MMD: variants seen among roughly 807,000 people sequenced by gnomAD.
The protein encoded by MMD is monocyte to macrophage differentiation factor.
A neutral mutation model predicts 33.6 loss-of-function variants in MMD; 22 were observed. The ratio of observed to expected loss-of-function variants is 0.66; its 90% CI spans 0.47 to 0.94. The LOEUF is 0.94. Ranked by LOEUF, MMD falls within the 40% of genes least tolerant of loss-of-function variation. The probability of loss-of-function intolerance (pLI) is 0.00; values close to 1 mark genes in which losing one functional copy is unlikely to be tolerated. For missense variants in MMD, 242 were observed against 309.8 expected, an observed-to-expected ratio of 0.78 and a Z score of 1.64; for synonymous variants, 97 against 103.2, an observed-to-expected ratio of 0.94 and a Z score of 0.36.
intron 2 of MMD, among the ~76,000 whole-genome samples, chr17:55,412,565 C>T (rs1257845456): frequency 6.6e-6 from 1 of 152,186 alleles, no homozygotes; most frequent in Non-Finnish European, 1.5e-5. Context: ...AGTAAGCATA[C>T]TTGACAAAGA....
intron 6 of MMD, among the ~76,000 whole-genome samples, chr17:55,397,519 ATTTAT>A (rs1215946449): frequency 6.7e-6 from 1 of 149,520 alleles, no homozygotes; most frequent in Admixed American, 6.7e-5. Flanking sequence ...TTATTTATTT[ATTTAT>A]TTTATTTTAT....
chr17:55,402,113 A>AAAAAAAAG (rs912839524), intron 5 of MMD, among the ~76,000 whole-genome samples: 1 of 151,862 alleles, frequency 6.6e-6, no homozygotes, highest in Non-Finnish European at 1.5e-5. Flanking sequence ...AAGAAAAGAA[A>AAAAAAAAG]AAAAAAAGAA....
intron 6 of MMD, among the ~76,000 whole-genome samples, chr17:55,397,850 A>G (rs1567845537): frequency 6.7e-6 from 1 of 148,286 alleles, no homozygotes; most frequent in Non-Finnish European, 1.5e-5. Flanking sequence ...CCCTTTCAGC[A>G]TTTTAAATGT....
chr17:55,412,494 T>C (rs967130319), intron 2 of MMD, among the ~76,000 whole-genome samples: 11 of 152,242 alleles, frequency 7.2e-5, no homozygotes, highest in Non-Finnish European at 1.5e-4. Context: ...TGACTATGAC[T>C]AGTAAACATC....
intron 3 of MMD, among the ~76,000 whole-genome samples, chr17:55,409,428 T>C (rs931037700): frequency 4.6e-5 from 7 of 152,230 alleles, no homozygotes; most frequent in African/African-American, 1.7e-4. Flanking sequence ...ACAACAGACC[T>C]GGAATCTTAT....
At chr17:55,397,230 TG>T (rs1907135276) in intron 6 of MMD, among the ~76,000 whole-genome samples, 1 of 150,276 alleles carries the variant, frequency 6.7e-6, no homozygotes, top group African/African-American at 2.4e-5. Context: ...GGCACGATCT[TG>T]GCTCACTGTA....
chr17:55,418,145 G>C (rs1003850681), intron 1 of MMD, among the ~76,000 whole-genome samples: 2 of 152,232 alleles, frequency 1.3e-5, no homozygotes, highest in Non-Finnish European at 2.9e-5. Flanking sequence ...CTCCTCAAGA[G>C]AGGTTTTCCA....
At chr17:55,405,950 T>A (rs550124305) in intron 4 of MMD, among the ~76,000 whole-genome samples, 1 of 152,238 alleles carries the variant, frequency 6.6e-6, no homozygotes, top group African/African-American at 2.4e-5. Context: ...AAGATTATAT[T>A]TGATCAGCAC....
chr17:55,398,044 C>T lies in MMD; in HGVS notation c.516+3425G>A, dbSNP rs565480621. On this transcript the variant is annotated intron_variant, in intron 6 of 6. Coordinates refer to ENST00000262065, the MANE Select transcript of MMD (RefSeq NM_012329.3). ...TGTGTTTATACTGCTCAGGCCTCCT[C>T]GTGCTTTGTGGATCTCTAGGTTGAT... Among the ~76,000 whole-genome samples, 5 of 146,034 alleles carry T rather than the reference C, an allele frequency of 3.4e-5. No homozygotes were observed. The South Asian group carries it at 6.4e-4, about 19-fold the overall frequency.
rs1907013980 is a variant in MMD, at chr17:55,394,128, T to C, written c.*206A>G. 1.6e-5 allele frequency: 6 copies of C among 384,386 alleles called. No homozygotes were observed. The highest frequency in any genetic ancestry group is 2.3e-5 in the Non-Finnish European group (5 of 219,740). The allele number at this position is 384,386 out of a possible 1,614,324, so 23.8% of individuals were successfully genotyped here. A position where few individuals can be genotyped will look rare whatever the true frequency, so the allele number is the denominator to read the frequency against. Reference sequence around the variant, plus strand: ...AGTCCTTCATGATAGTGGAATGGAATGAATAATTAATTCACTACCTTATTT... The same window carrying C: ...AGTCCTTCATGATAGTGGAATGGAACGAATAATTAATTCACTACCTTATTT... On this transcript the variant is annotated 3_prime_UTR_variant, in exon 7 of 7. Coordinates refer to ENST00000262065, the MANE Select transcript of MMD (RefSeq NM_012329.3).
chr17:55,420,535 T>C (rs1908140193), intron 1 of MMD: 1 of 150,496 alleles, frequency 6.6e-6, no homozygotes, highest in Admixed American at 6.6e-5. Context: ...CCTTTGGGAC[T>C]GGGGGAGGAA....
intron 1 of MMD, among the ~76,000 whole-genome samples, chr17:55,419,894 T>G (rs576402625): frequency 1.9e-4 from 29 of 152,298 alleles, no homozygotes; most frequent in African/African-American, 3.1e-4. Context: ...ACCTGTATTT[T>G]TAGTTTTTAA....
chr17:55,414,106 A>C (rs1907868907), intron 2 of MMD, 45 bp downstream of exon 2: 2 of 1,584,504 alleles, frequency 1.3e-6, no homozygotes, highest in Admixed American at 3.3e-5. Context: ...TCCTCCCACC[A>C]AAGCCCCGTG....
At chr17:55,409,351 T>G (rs1315885037) in intron 3 of MMD, among the ~76,000 whole-genome samples, 3 of 152,180 alleles carry the variant, frequency 2.0e-5, no homozygotes, top group Non-Finnish European at 4.4e-5. Flanking sequence ...TGACTGTGAT[T>G]TCTAGCAAGG....
At chr17:55,399,712 A>C (rs1907253677) in intron 6 of MMD, among the ~76,000 whole-genome samples, 1 of 152,056 alleles carries the variant, frequency 6.6e-6, no homozygotes, top group Admixed American at 6.6e-5. Flanking sequence ...CCCCCATCAA[A>C]TATTTTATCA....
In MMD at chr17:55,411,320, A is replaced by T; in HGVS notation, c.206T>A (p.Leu69His). The change falls in exon 3 of 7, where the codon CTC (leucine) becomes CAC (histidine). Residue 69 changes from leucine (L) to histidine (H), a missense_variant. Leu to His is a moderately conservative substitution (Grantham distance 99). Transcript: ENST00000262065. The stretch of plus-strand genomic sequence containing the variant: ...TGTAGAAACGATGAAGAGGGCACAG[A>T]GTCCCATTCCATAAATCCATGCTGT... ...KITAWIYGMGLCALFIVSTVF... is the reference protein window; with the variant it reads ...KITAWIYGMGHCALFIVSTVF... 1 of 1,614,150 alleles carries T rather than the reference A, an allele frequency of 6.2e-7. No individual in the cohort carries two copies. Among genetic ancestry groups the T allele is most frequent in the Non-Finnish European group, 8.5e-7 (1 of 1,179,998 alleles).
At chr17:55,402,545 T>C (rs1781648882) in intron 5 of MMD, among the ~76,000 whole-genome samples, 1 of 152,192 alleles carries the variant, frequency 6.6e-6, no homozygotes, top group African/African-American at 2.4e-5. Flanking sequence ...ATTTAGGTAC[T>C]CCCTAATGTC....
At chr17:55,419,311 C>T (rs1029187810) in intron 1 of MMD, among the ~76,000 whole-genome samples, 1 of 152,170 alleles carries the variant, frequency 6.6e-6, no homozygotes, top group Non-Finnish European at 1.5e-5. Flanking sequence ...TTGTGTTTGT[C>T]TATGTGTGTG....
At chr17:55,395,599 T>A (rs1907069549) in intron 6 of MMD, among the ~76,000 whole-genome samples, 1 of 152,164 alleles carries the variant, frequency 6.6e-6, no homozygotes, top group Admixed American at 6.5e-5. Flanking sequence ...GGTGTGAGGA[T>A]CTAGGGCCAG....
Sources: gnomAD v4.1 joint callset for allele counts (sites outside exome capture counted in the v4.1 genomes callset) on GRCh38, gnomAD v4.1.1 for gene constraint, MANE v1.5 for transcripts, NCBI Gene and HGNC (gene_info 2026-07-23, HGNC 2026-07-21) for gene names.